STK10: variants seen among roughly 807,000 people sequenced by gnomAD.
STK10 encodes the protein serine/threonine-protein kinase 10.
STK10 carries 78 observed loss-of-function variants against 113.8 expected under a neutral mutation model. The ratio of observed to expected loss-of-function variants is 0.69; its 90% CI spans 0.57 to 0.83. The LOEUF (loss-of-function observed/expected upper bound fraction) is 0.83. Ranked by LOEUF, STK10 falls within the 40% of genes least tolerant of loss-of-function variation. The pLI, the probability that STK10 is intolerant of heterozygous loss-of-function variation, is 0.00. For synonymous variants in STK10, 465 were observed against 494.7 expected (o/e 0.94, Z 0.80); for missense variants, 1,109 against 1,280.1 (o/e 0.87, Z 2.04).
chr5:172,176,282 C>CAGACACA (rs1157788218), intron 1 of STK10, among the ~76,000 whole-genome samples: 2 of 152,238 alleles, frequency 1.3e-5, no homozygotes, highest in Non-Finnish European at 2.9e-5. Flanking sequence ...TGATCCGCAG[C>CAGACACA]AGACACAAGC....
intron 13 of STK10, among the ~76,000 whole-genome samples, chr5:172,063,906 C>T (rs1028244617): frequency 1.3e-5 from 2 of 152,180 alleles, no homozygotes; most frequent in East Asian, 1.9e-4. Context: ...CACACAAAGA[C>T]CCCCTCGTGG....
rs143756082 is a variant in STK10, at chr5:172,152,377, C to T, written c.321+4247G>A. Among the ~76,000 whole-genome samples the T allele has an allele frequency of 7.3e-3, 1,118 of 152,262 alleles. 5 individuals carry two copies. The highest frequency in any genetic ancestry group is 0.011 in the Non-Finnish European group (770 of 68,018). ...CTGTAATACATGTTGGAAAAGAGAT[C>T]CCCCGGCCATTGAAAGATTTGCCCA... On this transcript the variant is annotated intron_variant, in intron 2 of 18. Transcript: ENST00000176763.
intron 1 of STK10, among the ~76,000 whole-genome samples, chr5:172,162,106 C>T (rs1770483207): frequency 6.6e-6 from 1 of 152,044 alleles, no homozygotes; most frequent in East Asian, 1.9e-4. Flanking sequence ...TTTGGGAGGT[C>T]GGGGCAGGTG....
intron 7 of STK10, among the ~76,000 whole-genome samples, chr5:172,105,106 C>T (rs950940747): frequency 6.6e-6 from 1 of 152,028 alleles, no homozygotes; most frequent in Admixed American, 6.6e-5. Context: ...GGGACAGACG[C>T]CCCAGTGCCT....
chr5:172,091,909 C>T (rs763881644), intron 9 of STK10, among the ~76,000 whole-genome samples: 5 of 152,198 alleles, frequency 3.3e-5, no homozygotes, highest in Admixed American at 6.5e-5. Context: ...GAGTGAGGAG[C>T]CAGCGTGGCA....
intron 2 of STK10, among the ~76,000 whole-genome samples, chr5:172,156,204 A>T (rs1464953688): frequency 1.3e-5 from 2 of 152,184 alleles, no homozygotes; most frequent in African/African-American, 4.8e-5. Context: ...GCCAATACTT[A>T]CCGGGCTCTT....
At chr5:172,097,062 G>T (rs1768871729) in intron 7 of STK10, among the ~76,000 whole-genome samples, 2 of 152,228 alleles carry the variant, frequency 1.3e-5, no homozygotes, top group Admixed American at 1.3e-4. Context: ...TTTTGAGACA[G>T]AGTTTCACTC....
intron 13 of STK10, among the ~76,000 whole-genome samples, chr5:172,063,958 G>A (rs1003741379): frequency 5.9e-5 from 9 of 152,182 alleles, no homozygotes; most frequent in African/African-American, 1.7e-4. Context: ...AAAGAAGGCT[G>A]GGGAGGCCGG....
At chr5:172,046,979 ACCCAAGCAACAC>A (rs1014987891) in intron 18 of STK10, among the ~76,000 whole-genome samples, 3 of 152,186 alleles carry the variant, frequency 2.0e-5, no homozygotes, top group African/African-American at 7.2e-5. Context: ...GTGAACACTG[ACCCAAGCAACAC>A]TTCATTGACT....
chr5:172,088,920 C>G lies in STK10; in HGVS notation c.1685+1312G>C, dbSNP rs116176278. Among the ~76,000 whole-genome samples the G allele has an allele frequency of 9.3e-3, 1,413 of 152,294 alleles. 16 individuals are homozygous for G. The highest frequency in any genetic ancestry group is 0.012 in the Admixed American group (185 of 15,298). ...CTGAAAAGTATAAAGCTGATCCTAG[C>G]AAACAGCTTTGCCTCACACCTTCCT... On this transcript the variant is annotated intron_variant, in intron 10 of 18. Transcript: ENST00000176763.
chr5:172,086,485 A>G (rs1420799443), intron 10 of STK10, among the ~76,000 whole-genome samples: 1 of 152,230 alleles, frequency 6.6e-6, no homozygotes, highest in Non-Finnish European at 1.5e-5. Flanking sequence ...CTGTGCTCTC[A>G]GAAGGAAAGG....
intron 1 of STK10, among the ~76,000 whole-genome samples, chr5:172,178,725 A>C (rs944026216): frequency 6.6e-6 from 1 of 151,926 alleles, no homozygotes; most frequent in African/African-American, 2.4e-5. Flanking sequence ...GAAAGACCCA[A>C]CTCTCTCATT....
chr5:172,071,538 T>C (rs190341519), intron 12 of STK10, among the ~76,000 whole-genome samples: 5 of 152,192 alleles, frequency 3.3e-5, no homozygotes, highest in African/African-American at 9.6e-5. Flanking sequence ...TCTTTGTTCA[T>C]TGTAATAGTA....
In STK10 at chr5:172,082,887, C is replaced by G; in HGVS notation, c.1809+74G>C. 1 of 1,580,992 alleles carries G rather than the reference C, an allele frequency of 6.3e-7. No homozygotes were observed. The highest frequency in any genetic ancestry group is 8.6e-7 in the Non-Finnish European group (1 of 1,165,790). On this transcript the variant is annotated intron_variant, in intron 11 of 18. Transcript: ENST00000176763. The surrounding 1 kb of genome is among the most constrained non-coding windows in gnomAD (Gnocchi z 4.3). ...TTACTCTCCACTACCCAATCATTCC[C>G]ACTATGTAGCTTCCACTGAGAGAAC...
intron 2 of STK10, among the ~76,000 whole-genome samples, chr5:172,128,342 CT>C (rs796522947): frequency 0.062 from 8,354 of 135,634 alleles, 422 homozygotes; most frequent in African/African-American, 0.15. Context: ...TTCTTCTTTC[CT>C]TTTTTTTTTT....
At chr5:172,073,415 G>A (rs1768239823) in intron 12 of STK10, among the ~76,000 whole-genome samples, 1 of 151,806 alleles carries the variant, frequency 6.6e-6, no homozygotes, top group Non-Finnish European at 1.5e-5. Flanking sequence ...GCCTTCCAAA[G>A]TGCTGGGATT....
At chr5:172,177,485 A>G (rs1770779123) in intron 1 of STK10, among the ~76,000 whole-genome samples, 1 of 152,220 alleles carries the variant, frequency 6.6e-6, no homozygotes, top group African/African-American at 2.4e-5. Context: ...GGGTTTGAGG[A>G]GGCAACAGTA....
chr5:172,115,043 G>A (rs893950690), intron 4 of STK10: 1 of 152,172 alleles, frequency 6.6e-6, no homozygotes, highest in African/African-American at 2.4e-5. Flanking sequence ...GGCAGGGTAG[G>A]TAGACCGCAA....
At chr5:172,169,191 C>G (rs1385033081) in intron 1 of STK10, among the ~76,000 whole-genome samples, 2 of 152,182 alleles carry the variant, frequency 1.3e-5, no homozygotes, top group African/African-American at 4.8e-5. Flanking sequence ...CTCTTTGCAC[C>G]TTGTTAAGGT....
Sources: allele counts gnomAD v4.1 joint callset (sites outside exome capture counted in the v4.1 genomes callset), GRCh38; gene constraint gnomAD v4.1.1; non-coding constraint Gnocchi (gnomAD v3.1); transcripts MANE v1.5; gene names NCBI Gene and HGNC (gene_info 2026-07-23, HGNC 2026-07-21).